The following PRPF6 variants were observed in gnomAD, a reference collection of about 807,000 sequenced individuals.
PRPF6 encodes pre-mRNA-processing factor 6.
In PRPF6, 42 loss-of-function variants were observed where a neutral mutation model predicts 118.3. That is an observed-to-expected ratio of 0.35 (90% CI 0.28 to 0.46). The LOEUF (loss-of-function observed/expected upper bound fraction) is 0.46. PRPF6 is among the 20% of genes least tolerant of loss of function. The pLI is 1.00. For missense variants in PRPF6, 662 were observed against 1,255.7 expected (o/e 0.53, Z 7.15); for synonymous variants, 481 against 485.1 (o/e 0.99, Z 0.11).
chr20:64,013,553 C>T (rs2059224561), intron 11 of PRPF6, among the ~76,000 whole-genome samples: 1 of 152,140 alleles, frequency 6.6e-6, no homozygotes, highest in African/African-American at 2.4e-5. Flanking sequence ...AAGCAATCCT[C>T]CCGCCTTAAC....
chr20:64,024,971 C>T (rs1241608869), intron 14 of PRPF6, among the ~76,000 whole-genome samples: 6 of 152,072 alleles, frequency 3.9e-5, no homozygotes, highest in Non-Finnish European at 7.4e-5. Flanking sequence ...AGGCTGAGGG[C>T]GCCCTTATGT....
chr20:63,999,444 G>A (rs550953742), intron 7 of PRPF6, among the ~76,000 whole-genome samples, 159 bp from the exon 8 acceptor site: 2 of 152,294 alleles, frequency 1.3e-5, no homozygotes, highest in Admixed American at 6.5e-5. Context: ...ACAGAGGCTT[G>A]GAATAGTGCG....
At chr20:63,993,665 C>A (rs1230636348) in intron 4 of PRPF6, among the ~76,000 whole-genome samples, 180 bp downstream of exon 4, 2 of 149,954 alleles carry the variant, frequency 1.3e-5, no homozygotes, top group Non-Finnish European at 3.0e-5. Flanking sequence ...TAAAAAAAAA[C>A]CCTTCCCCTA....
chr20:64,018,307 C>A (rs1307357615), intron 12 of PRPF6, among the ~76,000 whole-genome samples: 3 of 152,272 alleles, frequency 2.0e-5, no homozygotes, highest in East Asian at 3.9e-4. Flanking sequence ...AAGAGAGCCT[C>A]AGCCTTTGTT....
chr20:63,999,550 G>C (rs1048459237), intron 7 of PRPF6, 53 bp from the exon 8 acceptor site: 3 of 1,610,584 alleles, frequency 1.9e-6, no homozygotes, highest in Non-Finnish European at 2.5e-6. Context: ...CCCAGGTCTC[G>C]GGTGCACCCC....
chr20:64,024,548 C>T lies in PRPF6; in HGVS notation c.1770-7C>T. ...GCCTCTGGTGACCGTGGCCTCTTATCTTGCAGGGAGTCCCTGGAAGCACTC... is the reference window on the plus strand; with the variant it reads ...GCCTCTGGTGACCGTGGCCTCTTATTTTGCAGGGAGTCCCTGGAAGCACTC... On this transcript the variant is annotated splice_polypyrimidine_tract_variant and splice_region_variant and intron_variant, in intron 13 of 20. Transcript: ENST00000266079. 1 of 1,613,360 alleles carries T rather than the reference C, an allele frequency of 6.2e-7. No individual in the cohort carries two copies. The highest frequency in any genetic ancestry group is 8.5e-7 in the Non-Finnish European group (1 of 1,180,006).
At chr20:63,984,710 T>TG (rs555017104) in intron 2 of PRPF6, among the ~76,000 whole-genome samples, 197 bp from the exon 3 acceptor site, 1 of 152,174 alleles carries the variant, frequency 6.6e-6, no homozygotes, top group Non-Finnish European at 1.5e-5. Flanking sequence ...CCCTTCCAAT[T>TG]GGGGGTCTCC....
At chr20:63,994,158 C>CTT (rs1158030989) in intron 4 of PRPF6, among the ~76,000 whole-genome samples, 3 of 138,370 alleles carry the variant, frequency 2.2e-5, no homozygotes, top group East Asian at 2.1e-4. Context: ...TTTTCTTTTT[C>CTT]TTTTTTTTTT....
Position 63,989,043 on chromosome 20 carries a change from A to G in PRPF6, c.359+4018A>G, listed in dbSNP as rs983519826. 2.0e-5 allele frequency among the ~76,000 whole-genome samples: 3 copies of G among 152,192 alleles called. 1 individual carries two copies. The highest frequency in any genetic ancestry group is 1.5e-5 in the Non-Finnish European group (1 of 68,034). On this transcript the variant is annotated intron_variant, in intron 3 of 20. Transcript: ENST00000266079. ...CAGCATAGTACTGGCAGAAAAACAGACACATAGACCAATGGAACAGAATGG... is the reference window on the plus strand; with the variant it reads ...CAGCATAGTACTGGCAGAAAAACAGGCACATAGACCAATGGAACAGAATGG...
At chr20:64,008,576 C>T (rs762960186) in intron 9 of PRPF6, among the ~76,000 whole-genome samples, 25 of 152,264 alleles carry the variant, frequency 1.6e-4, no homozygotes, top group East Asian at 1.9e-4. Flanking sequence ...GACCCGTGCC[C>T]GCATCTGTTC....
chr20:63,989,551 C>T (rs1289668294), intron 3 of PRPF6, among the ~76,000 whole-genome samples: 1 of 150,640 alleles, frequency 6.6e-6, no homozygotes, highest in Non-Finnish European at 1.5e-5. Context: ...AACATTTTGG[C>T]TCATTTCCTC....
Position 64,029,471 on chromosome 20 carries a change from T to C in PRPF6, c.2526T>C (p.His842=), listed in dbSNP as rs2059305263. ...DALKKCEHDP[H]VLLAVAKLFW... is the part of the protein sequence containing the mutation. ...TGAAGAAGTGTGAGCATGACCCCCA[T>C]GTGCTCCTGGCCGTGGCCAAGTGAG... The change falls in exon 19 of 21, where the codon CAT becomes CAC. Residue 842 remains histidine, a synonymous_variant. Transcript: ENST00000266079. This position sits in a 1 kb window ranked among gnomAD's most constrained non-coding sequence, Gnocchi z 4.8. The C allele has an allele frequency of 2.5e-6, 4 of 1,613,998 alleles. No individual in the cohort carries two copies. Among genetic ancestry groups the C allele is most frequent in the African/African-American group, 1.3e-5 (1 of 74,950 alleles).
chr20:64,019,604 A>G (rs1484368862), intron 12 of PRPF6, among the ~76,000 whole-genome samples: 5 of 152,206 alleles, frequency 3.3e-5, no homozygotes, highest in Admixed American at 2.6e-4. Flanking sequence ...TGAAGGTCCA[A>G]GGAGGCGATG....
chr20:63,996,442 G>C (rs139963018), intron 6 of PRPF6, among the ~76,000 whole-genome samples: 8 of 152,334 alleles, frequency 5.3e-5, no homozygotes, highest in African/African-American at 1.9e-4. Context: ...AGCCTGCCAA[G>C]TAGCTGAGAT....
intron 9 of PRPF6, among the ~76,000 whole-genome samples, chr20:64,004,114 C>G (rs1203798993): frequency 6.6e-6 from 1 of 152,236 alleles, no homozygotes; most frequent in East Asian, 1.9e-4. Flanking sequence ...TGTGGCCACT[C>G]CCTGCTCACC....
chr20:64,017,191 C>A (rs2059242273), intron 12 of PRPF6, among the ~76,000 whole-genome samples: 1 of 152,242 alleles, frequency 6.6e-6, no homozygotes, highest in African/African-American at 2.4e-5. Context: ...ATCCACCCCG[C>A]CTTGGCTTCC....
intron 6 of PRPF6, among the ~76,000 whole-genome samples, chr20:63,997,646 G>A (rs549429851): frequency 1.3e-5 from 2 of 152,038 alleles, no homozygotes; most frequent in African/African-American, 2.4e-5. Context: ...TAGTAGAGAC[G>A]GGGTTTCATC....
intron 3 of PRPF6, among the ~76,000 whole-genome samples, chr20:63,992,224 T>A (rs2059121865): frequency 6.6e-6 from 1 of 152,148 alleles, no homozygotes; most frequent in Non-Finnish European, 1.5e-5. Flanking sequence ...TAGCTGGGGA[T>A]TACAGGTGCC....
chr20:64,032,792 G>C (rs775468742), intron 20 of PRPF6, 49 bp from the exon 21 acceptor site: 1 of 1,567,010 alleles, frequency 6.4e-7, no homozygotes, highest in Non-Finnish European at 8.6e-7. Flanking sequence ...CGAGGTCCGG[G>C]GAGTAGCGTG....
Sources: gnomAD v4.1 joint callset for allele counts (sites outside exome capture counted in the v4.1 genomes callset) on GRCh38, gnomAD v4.1.1 for gene constraint, Gnocchi (gnomAD v3.1) non-coding constraint, MANE v1.5 for transcripts, NCBI Gene and HGNC (gene_info 2026-07-23, HGNC 2026-07-21) for gene names.